MEGF11: variants seen among roughly 807,000 people sequenced by gnomAD.
The protein encoded by MEGF11 is multiple epidermal growth factor-like domains protein 11.
Under a neutral mutation model 146.6 loss-of-function variants are expected in MEGF11, and 126 were observed. The ratio of observed to expected loss-of-function variants is 0.86; its 90% CI spans 0.74 to 1.00. The LOEUF (loss-of-function observed/expected upper bound fraction) is 1.00, where lower values mean the gene tolerates loss of function less well. Among genes scored for constraint, MEGF11 ranks in the 50% least tolerant of loss-of-function variants. The pLI is 0.00. For missense variants in MEGF11, 1,509 were observed against 1,521.2 expected, an observed-to-expected ratio of 0.99 and a Z score of 0.13; for synonymous variants, 532 against 583.4, an observed-to-expected ratio of 0.91 and a Z score of 1.27.
chr15:65,904,913 GAC>G (rs981078064), intron 24 of MEGF11, among the ~76,000 whole-genome samples: 2 of 152,178 alleles, frequency 1.3e-5, no homozygotes, highest in African/African-American at 4.8e-5. Context: ...TTTTTTCTGA[GAC>G]AGAGTCTTGT....
At chr15:66,239,089 T>C (rs8040835) in intron 1 of MEGF11, among the ~76,000 whole-genome samples, 39,113 of 152,064 alleles carry the variant, frequency 0.26, 6,163 homozygotes, top group Middle Eastern at 0.39. Context: ...AGAGCTGGGG[T>C]TCGAACCCAG....
chr15:66,216,579 C>G (rs955780148), intron 1 of MEGF11, among the ~76,000 whole-genome samples: 1 of 152,156 alleles, frequency 6.6e-6, no homozygotes, highest in Non-Finnish European at 1.5e-5. Flanking sequence ...CCTTCTCTGG[C>G]ATAGCACAGG....
intron 5 of MEGF11, among the ~76,000 whole-genome samples, chr15:66,011,384 C>T (rs889460892): frequency 6.6e-6 from 1 of 152,172 alleles, no homozygotes; most frequent in African/African-American, 2.4e-5. Context: ...TCCCTTCAGA[C>T]CTCAGTGTCT....
chr15:66,151,849 G>A (rs2089581149), intron 1 of MEGF11, among the ~76,000 whole-genome samples: 1 of 152,238 alleles, frequency 6.6e-6, no homozygotes, highest in Admixed American at 6.5e-5. Flanking sequence ...AAGAAGGGGA[G>A]CAGGGCTGGC....
At chr15:66,070,065 C>T (rs2085301432) in intron 5 of MEGF11, among the ~76,000 whole-genome samples, 2 of 152,220 alleles carry the variant, frequency 1.3e-5, no homozygotes, top group Admixed American at 1.3e-4. Context: ...AAGGAAATGA[C>T]CTCAGCAGTC....
chr15:66,017,560 G>A (rs1381689357), intron 5 of MEGF11, among the ~76,000 whole-genome samples: 2 of 152,128 alleles, frequency 1.3e-5, no homozygotes, highest in African/African-American at 4.8e-5. Flanking sequence ...GGCCCTGCTG[G>A]TCTGACCCGT....
At chr15:66,223,687 C>T (rs921480420) in intron 1 of MEGF11, among the ~76,000 whole-genome samples, 4 of 152,006 alleles carry the variant, frequency 2.6e-5, no homozygotes, top group South Asian at 2.1e-4. Flanking sequence ...GGTGCCATTG[C>T]GCTCCAGCCT....
At chr15:66,186,326 C>T (rs1567276381) in intron 1 of MEGF11, among the ~76,000 whole-genome samples, 1 of 152,146 alleles carries the variant, frequency 6.6e-6, no homozygotes, top group Non-Finnish European at 1.5e-5. Context: ...CAGCAGTGGT[C>T]TGTCTGCCCC....
intron 5 of MEGF11, among the ~76,000 whole-genome samples, chr15:66,065,838 G>T (rs1160342397): frequency 7.2e-5 from 11 of 152,168 alleles, no homozygotes; most frequent in Admixed American, 6.5e-4. Context: ...CCGGCGAAGT[G>T]GGGGAGCAGT....
chr15:65,996,549 G>A lies in MEGF11; in HGVS notation c.395-14061C>T, dbSNP rs952702164. On this transcript the variant is annotated intron_variant, in intron 5 of 25. Transcript: ENST00000395614. Reference sequence around the variant, plus strand: ...CGCCCAGGCTGGAGTGCAGTGGTGCGATCTTGACTCATTGCAACCTCTGCC... The same window carrying A: ...CGCCCAGGCTGGAGTGCAGTGGTGCAATCTTGACTCATTGCAACCTCTGCC... 7.9e-5 allele frequency among the ~76,000 whole-genome samples: 12 copies of A among 151,234 alleles called. No individual in the cohort carries two copies. The South Asian group carries it at 1.0e-3, about 13-fold the overall frequency.
At chr15:65,915,877 G>A (rs531268655) in intron 18 of MEGF11, among the ~76,000 whole-genome samples, 31 of 151,524 alleles carry the variant, frequency 2.0e-4, no homozygotes, top group Admixed American at 2.0e-3. Flanking sequence ...GGACTTTAAA[G>A]AATAATAAAA....
chr15:66,230,105 G>A (rs570684058), intron 1 of MEGF11, among the ~76,000 whole-genome samples: 3 of 152,264 alleles, frequency 2.0e-5, no homozygotes, highest in Non-Finnish European at 2.9e-5. Flanking sequence ...GCTGTGTCCC[G>A]GAAAGGGCAT....
intron 5 of MEGF11, among the ~76,000 whole-genome samples, chr15:66,027,923 G>A (rs1330073566): frequency 6.6e-6 from 1 of 152,108 alleles, no homozygotes; most frequent in Admixed American, 6.5e-5. Flanking sequence ...TGCAAAATGG[G>A]GACAGTGAAG....
Position 65,930,954 on chromosome 15 carries a change from AG to A in MEGF11, c.1288-12del. The A allele has an allele frequency of 6.4e-7, 1 of 1,569,728 alleles. No homozygotes were observed. The highest frequency in any genetic ancestry group is 8.7e-7 in the Non-Finnish European group (1 of 1,151,896). ...GGCACAGACCTCTCCCTGGAAAGGG[AG>A]GGGGTGAATTTTGGATCAAAGGTTG... On this transcript the variant is annotated splice_polypyrimidine_tract_variant and intron_variant, in intron 10 of 25. Transcript: ENST00000395614.
At chr15:66,140,908 C>T (rs1567260905) in intron 1 of MEGF11, among the ~76,000 whole-genome samples, 1 of 152,186 alleles carries the variant, frequency 6.6e-6, no homozygotes, top group African/African-American at 2.4e-5. Context: ...TAAGAATACT[C>T]TGTGAATATT....
chr15:65,922,819 T>G lies in MEGF11; in HGVS notation c.1822+4A>C. On this transcript the variant is annotated splice_donor_region_variant and intron_variant, in intron 14 of 25. Coordinates refer to ENST00000395614, the MANE Select transcript of MEGF11 (RefSeq NM_001385028.1). ...GCTCTTCGGGGTCAGGGGATTAGCC[T>G]TACTTCTCTGGCATAAGGGTCCTCG... The G allele has an allele frequency of 1.9e-6, 3 of 1,613,778 alleles. No homozygotes were observed. Among genetic ancestry groups the G allele is most frequent in the Non-Finnish European group, 2.5e-6 (3 of 1,179,798 alleles).
chr15:66,199,910 AAAAATAAAAT>A (rs59958390), intron 1 of MEGF11, among the ~76,000 whole-genome samples: 188 of 151,320 alleles, frequency 1.2e-3, no homozygotes, highest in African/African-American at 4.1e-3. Context: ...GGGGTTTGGC[AAAAATAAAAT>A]AAAATAAAAT....
intron 10 of MEGF11, 49 bp from the exon 11 acceptor site, chr15:65,930,992 A>T: frequency 6.7e-7 from 1 of 1,492,446 alleles, no homozygotes; most frequent in South Asian, 1.3e-5. Flanking sequence ...TCCATGTTGG[A>T]TGGCTGTGGT....
At chr15:66,071,540 G>A (rs371942822) in intron 5 of MEGF11, among the ~76,000 whole-genome samples, 11 of 152,224 alleles carry the variant, frequency 7.2e-5, no homozygotes, top group African/African-American at 1.9e-4. Flanking sequence ...TCATTTCAAC[G>A]GCAGACCGGC....
Sources: allele counts gnomAD v4.1 joint callset (sites outside exome capture counted in the v4.1 genomes callset), GRCh38; gene constraint gnomAD v4.1.1; transcripts MANE v1.5; gene names NCBI Gene and HGNC (gene_info 2026-07-23, HGNC 2026-07-21).